NTM: variants seen among roughly 807,000 people sequenced by gnomAD.
NTM encodes the protein neurotrimin.
In NTM, 13 loss-of-function variants were observed where a neutral mutation model predicts 42.1. The observed-to-expected ratio is 0.31, with a 90% confidence interval of 0.20 to 0.49. The LOEUF (loss-of-function observed/expected upper bound fraction) is 0.49, where lower values mean the gene tolerates loss of function less well. NTM is among the 20% of genes least tolerant of loss of function. The pLI is 0.99. For synonymous variants in NTM, 187 were observed against 179.2 expected, an observed-to-expected ratio of 1.04 and a Z score of -0.35; for missense variants, 373 against 452.8, an observed-to-expected ratio of 0.82 and a Z score of 1.60.
In NTM at chr11:132,323,278, G is replaced by T. The variant is rs1270831016; in HGVS notation, c.935-6875G>T. Reference sequence around the variant, plus strand: ...AAAGGATCAACAAAATTGATAGACCGCTAGCAAGACTAATAAAGAAAAAAA... The same window carrying T: ...AAAGGATCAACAAAATTGATAGACCTCTAGCAAGACTAATAAAGAAAAAAA... On this transcript the variant is annotated intron_variant, in intron 7 of 8. Transcript: ENST00000683400. Among the ~76,000 whole-genome samples, 3 of 151,714 alleles carry T rather than the reference G, an allele frequency of 2.0e-5. No individual in the cohort carries two copies. The East Asian group carries it at 5.8e-4, about 29-fold the overall frequency.
At position 131,843,012 on chromosome 11, in the gene NTM, A is replaced by AAAAT. The variant is rs560126461; in HGVS notation, c.83-68530_83-68527dup. ...GTGATAAAGCAAGACTTTGTCTCAA[A>AAAAT]AAATAAATAAATAAATAAATAAATA... On this transcript the variant is annotated intron_variant, in intron 1 of 8. Transcript: ENST00000683400. 4.5e-3 allele frequency among the ~76,000 whole-genome samples: 686 copies of AAAAT among 152,170 alleles called. 2 individuals are homozygous for AAAAT. The highest frequency in any genetic ancestry group is 0.012 in the African/African-American group (510 of 41,500).
intron 2 of NTM, among the ~76,000 whole-genome samples, chr11:131,970,254 T>C (rs983525483): frequency 6.6e-6 from 1 of 152,202 alleles, no homozygotes; most frequent in African/African-American, 2.4e-5. Flanking sequence ...AATTTTTCTA[T>C]GTTGACCTGA....
intron 1 of NTM, among the ~76,000 whole-genome samples, chr11:131,828,458 A>G (rs2042406148): frequency 6.6e-6 from 1 of 152,040 alleles, no homozygotes; most frequent in African/African-American, 2.4e-5. Context: ...CTACATTGCC[A>G]ACATTACCAC....
chr11:131,798,491 C>T (rs1388506656), intron 1 of NTM, among the ~76,000 whole-genome samples: 1 of 152,200 alleles, frequency 6.6e-6, no homozygotes, highest in East Asian at 1.9e-4. Context: ...AAAGCAGATT[C>T]AGTTGTTCCA....
chr11:131,469,474 G>C (rs1952215083), intron 1 of NTM, among the ~76,000 whole-genome samples: 1 of 152,218 alleles, frequency 6.6e-6, no homozygotes, highest in Non-Finnish European at 1.5e-5. Context: ...TGAGCTCAAA[G>C]TCTTGTCCAC....
intron 2 of NTM, among the ~76,000 whole-genome samples, chr11:132,129,977 A>G (rs960359546): frequency 6.6e-6 from 1 of 152,234 alleles, no homozygotes; most frequent in African/African-American, 2.4e-5. Context: ...ATGACTTTAC[A>G]GCCTTCCTCT....
chr11:132,028,892 G>T (rs971263841), intron 2 of NTM, among the ~76,000 whole-genome samples: 2 of 151,976 alleles, frequency 1.3e-5, no homozygotes, highest in Non-Finnish European at 2.9e-5. Flanking sequence ...TAGGGCTCTT[G>T]AACCTCCTAG....
At chr11:131,422,668 C>A (rs1947662907) in intron 1 of NTM, among the ~76,000 whole-genome samples, 1 of 152,178 alleles carries the variant, frequency 6.6e-6, no homozygotes, top group Admixed American at 6.5e-5. Context: ...TGTATGAGAG[C>A]ACTTTTCCCT....
intron 2 of NTM, 133 bp downstream of exon 2, chr11:131,911,781 A>C: frequency 4.5e-6 from 5 of 1,100,282 alleles, no homozygotes; most frequent in African/African-American, 1.5e-5. Flanking sequence ...TGCACAATTT[A>C]TGGCTGCGCT....
chr11:131,791,711 C>T (rs1005673133), intron 1 of NTM, among the ~76,000 whole-genome samples: 6 of 152,268 alleles, frequency 3.9e-5, no homozygotes, highest in East Asian at 3.9e-4. Context: ...AAGTATCTGT[C>T]GGATGTGTGA....
chr11:132,314,227 G>GCTCTGAATGCGAATCA (rs1565456461), intron 6 of NTM, among the ~76,000 whole-genome samples: 1 of 152,054 alleles, frequency 6.6e-6, no homozygotes, highest in Non-Finnish European at 1.5e-5. Context: ...TGTGTGAATC[G>GCTCTGAATGCGAATCA]TATTGCTCTG....
chr11:131,478,608 T>C (rs897798114), intron 1 of NTM, among the ~76,000 whole-genome samples: 1 of 152,172 alleles, frequency 6.6e-6, no homozygotes, highest in Admixed American at 6.5e-5. Flanking sequence ...TCATATGGAC[T>C]AGTAGCCTCT....
intron 3 of NTM, among the ~76,000 whole-genome samples, chr11:132,174,234 A>T (rs2076483844): frequency 6.6e-6 from 1 of 152,218 alleles, no homozygotes; most frequent in African/African-American, 2.4e-5. Flanking sequence ...GCAAACTTAT[A>T]CAGGACACTT....
intron 1 of NTM, among the ~76,000 whole-genome samples, chr11:131,691,547 C>T (rs2074719223): frequency 6.9e-6 from 1 of 145,298 alleles, no homozygotes; most frequent in African/African-American, 2.7e-5. Context: ...ATCCCCTTGT[C>T]TTCCCTGAAA....
At chr11:131,918,785 G>A (rs2056800453) in intron 2 of NTM, among the ~76,000 whole-genome samples, 1 of 152,128 alleles carries the variant, frequency 6.6e-6, no homozygotes, top group African/African-American at 2.4e-5. Context: ...GAGTGTTTAA[G>A]GTTTCATGTC....
chr11:131,648,193 C>A (rs1027174097), intron 1 of NTM, among the ~76,000 whole-genome samples: 2 of 152,126 alleles, frequency 1.3e-5, no homozygotes, highest in African/African-American at 4.8e-5. Flanking sequence ...GGATTTTGTT[C>A]TTTTTTATGG....
chr11:132,195,776 C>G (rs1456511470), intron 3 of NTM, among the ~76,000 whole-genome samples: 1 of 152,204 alleles, frequency 6.6e-6, no homozygotes, highest in Non-Finnish European at 1.5e-5. Flanking sequence ...AAACTGGCCC[C>G]TTTCTTTTAC....
intron 8 of NTM, among the ~76,000 whole-genome samples, chr11:132,333,928 A>C (rs1565508005): frequency 6.6e-6 from 1 of 152,230 alleles, no homozygotes; most frequent in East Asian, 1.9e-4. Flanking sequence ...TTAGCCAGAA[A>C]TGTATCCAAC....
chr11:131,447,533 T>TA (rs898457939), intron 1 of NTM, among the ~76,000 whole-genome samples: 10 of 152,102 alleles, frequency 6.6e-5, no homozygotes, highest in African/African-American at 2.4e-4. Context: ...TCCTGAGCTC[T>TA]AGCACCGGCA....
Sources: allele counts gnomAD v4.1 joint callset (sites outside exome capture counted in the v4.1 genomes callset), GRCh38; gene constraint gnomAD v4.1.1; transcripts MANE v1.5; gene names NCBI Gene and HGNC (gene_info 2026-07-23, HGNC 2026-07-21).